Variants in PTPN13 observed in about 807,000 individuals in gnomAD.
PTPN13 encodes tyrosine-protein phosphatase non-receptor type 13.
A neutral mutation model predicts 284.0 loss-of-function variants in PTPN13; 191 were observed. The observed-to-expected ratio is 0.67, with a 90% CI of 0.60 to 0.76. The LOEUF (loss-of-function observed/expected upper bound fraction) is 0.76. Among genes scored for constraint, PTPN13 ranks in the 30% least tolerant of loss-of-function variants. The pLI is 0.00. For missense variants in PTPN13, 2,797 were observed against 2,939.9 expected (o/e 0.95, Z 1.12); for synonymous variants, 986 against 1,022.3 (o/e 0.96, Z 0.68).
At chr4:86,668,324 T>A (rs771200893) in intron 2 of PTPN13, among the ~76,000 whole-genome samples, 2 of 152,190 alleles carry the variant, frequency 1.3e-5, no homozygotes, top group African/African-American at 4.8e-5. Flanking sequence ...TTTCTTCCTT[T>A]TAGTTAGACA....
chr4:86,771,234 T>C lies in PTPN13; in HGVS notation c.4867T>C (p.Cys1623Arg), dbSNP rs2149273809. ...NSSKDSSQPS[C>R]VEQSTSSDEN... The stretch of plus-strand genomic sequence containing the variant: ...CAGTAAAGACTCTTCTCAGCCATCA[T>C]GTGTGGAGCAAAGCACCAGCTCAGA... The change falls in exon 31 of 48, where the codon TGT (cysteine) becomes CGT (arginine). Residue 1623 changes from cysteine to arginine, a missense_variant. Coordinates refer to ENST00000411767, the MANE Select transcript of PTPN13 (RefSeq NM_080683.3). The C allele has an allele frequency of 1.9e-6, 3 of 1,611,506 alleles. No individual in the cohort carries two copies. Among genetic ancestry groups the C allele is most frequent in the South Asian group, 2.2e-5 (2 of 90,196 alleles).
At chr4:86,701,157 C>T (rs910150122) in intron 6 of PTPN13, 84 bp from the exon 7 acceptor site, 5 of 1,080,008 alleles carry the variant, frequency 4.6e-6, no homozygotes, top group East Asian at 5.2e-5. Flanking sequence ...GAAATTGCCA[C>T]CACTTTCATT....
intron 1 of PTPN13, among the ~76,000 whole-genome samples, chr4:86,627,571 T>C (rs1449507994): frequency 6.6e-6 from 1 of 151,944 alleles, no homozygotes; most frequent in Non-Finnish European, 1.5e-5. Flanking sequence ...ACTGTACATA[T>C]TTAAAGTGTA....
intron 3 of PTPN13, among the ~76,000 whole-genome samples, chr4:86,677,038 C>T (rs539918906): frequency 3.3e-5 from 5 of 152,140 alleles, no homozygotes; most frequent in African/African-American, 9.6e-5. Flanking sequence ...AAGGCCGAAG[C>T]GGGCAGATCA....
chr4:86,624,147 T>C (rs1196505757), intron 1 of PTPN13, among the ~76,000 whole-genome samples: 1 of 152,220 alleles, frequency 6.6e-6, no homozygotes, highest in African/African-American at 2.4e-5. Context: ...TCCATTCTTT[T>C]ACAATTTATT....
rs1421418757 is a variant in PTPN13, at chr4:86,701,680, A to G, written c.1074A>G (p.Lys358=). ...CCTTGGATATCTTTGGCCCTCAGAA[A>G]ATGGATCCAATATATCACACTCGAG... ...SIALDIFGPQ[K]MDPIYHTREL... The change falls in exon 7 of 48, where the codon AAA becomes AAG. Residue 358 remains lysine, a synonymous_variant. Transcript: ENST00000411767. The G allele has an allele frequency of 6.2e-7, 1 of 1,613,926 alleles. No homozygotes were observed. Among genetic ancestry groups the G allele is most frequent in the Non-Finnish European group, 8.5e-7 (1 of 1,179,844 alleles).
chr4:86,731,169 T>G (rs1734907468), intron 10 of PTPN13, among the ~76,000 whole-genome samples: 1 of 152,192 alleles, frequency 6.6e-6, no homozygotes, highest in Non-Finnish European at 1.5e-5. Flanking sequence ...ATTCATTAGT[T>G]CAAGCACACA....
At chr4:86,740,373 C>T (rs1352854243) in intron 15 of PTPN13, among the ~76,000 whole-genome samples, 5 of 152,214 alleles carry the variant, frequency 3.3e-5, no homozygotes, top group Admixed American at 1.3e-4. Flanking sequence ...ACAGGCTCAA[C>T]ACCATGTGGA....
intron 3 of PTPN13, among the ~76,000 whole-genome samples, chr4:86,680,347 C>CTCTG (rs910627035): frequency 4.9e-5 from 7 of 142,652 alleles, no homozygotes; most frequent in African/African-American, 1.8e-4. Flanking sequence ...TTCTATCTAT[C>CTCTG]TCTATCTATC....
chr4:86,771,483 A>G lies in PTPN13; in HGVS notation c.5116A>G (p.Thr1706Ala), dbSNP rs1739994832. ...CAAGAGTCAAGAAGATACCATTTGTACCATGTTTTACTATCCTCAGAAAAT... is the reference window on the plus strand; with the variant it reads ...CAAGAGTCAAGAAGATACCATTTGTGCCATGTTTTACTATCCTCAGAAAAT... ...APKSQEDTICTMFYYPQKIPN... is the reference protein window; with the variant it reads ...APKSQEDTICAMFYYPQKIPN... The change falls in exon 31 of 48, where the codon ACC becomes GCC. Residue 1706 changes from threonine (T) to alanine (A), a missense_variant. Thr to Ala is a moderately conservative substitution (Grantham distance 58, BLOSUM62 0). Transcript: ENST00000411767. The G allele has an allele frequency of 6.4e-7, 1 of 1,567,516 alleles. No homozygotes were observed. Among genetic ancestry groups the G allele is most frequent in the Admixed American group, 1.9e-5 (1 of 52,982 alleles).
intron 15 of PTPN13, among the ~76,000 whole-genome samples, chr4:86,737,048 T>C (rs566774681): frequency 1.6e-4 from 24 of 152,254 alleles, no homozygotes; most frequent in African/African-American, 5.8e-4. Context: ...AAATTTACCA[T>C]TTTTAAGTGT....
chr4:86,733,477 A>T (rs1447968681), intron 12 of PTPN13, among the ~76,000 whole-genome samples: 3 of 152,150 alleles, frequency 2.0e-5, no homozygotes, highest in Non-Finnish European at 4.4e-5. Flanking sequence ...AGGTTAAAGG[A>T]TCCTAAAACT....
In PTPN13 at chr4:86,753,070, G is replaced by T; in HGVS notation, c.3223+5G>T. On this transcript the variant is annotated splice_donor_5th_base_variant and intron_variant, in intron 20 of 47. Transcript: ENST00000411767. The stretch of plus-strand genomic sequence containing the variant: ...AAGTACCCTTAAAAGAAAATGGTAG[G>T]TTTACAAAATGTTTTTCCCCTCATT... 6.3e-7 allele frequency: 1 copy of T among 1,599,920 alleles called. No homozygotes were observed. Among genetic ancestry groups the T allele is most frequent in the Non-Finnish European group, 8.6e-7 (1 of 1,169,090 alleles).
At chr4:86,693,933 A>G (rs879213102) in intron 6 of PTPN13, among the ~76,000 whole-genome samples, 1 of 152,074 alleles carries the variant, frequency 6.6e-6, no homozygotes, top group South Asian at 2.1e-4. Flanking sequence ...TATATCAATA[A>G]TAATAATATT....
In PTPN13 at chr4:86,775,226, G is replaced by T; in HGVS notation, c.5564G>T (p.Arg1855Leu). 6.2e-7 allele frequency: 1 copy of T among 1,613,286 alleles called. No homozygotes were observed. Among genetic ancestry groups the T allele is most frequent in the East Asian group, 2.2e-5 (1 of 44,860 alleles). ...CATACAGATGCAGTTAATCTGCTCC[G>T]GGCTGCATCCAAAACAGTCAGATTA... is the stretch of plus-strand genomic sequence containing the variant. ...MTHTDAVNLL[R>L]AASKTVRLVI... The change falls in exon 34 of 48, where the codon CGG becomes CTG. Residue 1855 changes from arginine (R) to leucine (L), a missense_variant. Arg to Leu is a moderately radical substitution (Grantham distance 102). Coordinates refer to ENST00000411767, the MANE Select transcript of PTPN13 (RefSeq NM_080683.3).
rs1745627600 is a variant in PTPN13 at position 86,814,977 on chromosome 4, A to G, written c.*426A>G. The stretch of plus-strand genomic sequence containing the variant: ...AAATGACAGTAATATTGGCATAGAA[A>G]AAAGTAGCAAATGTTTACTGTATCA... On this transcript the variant is annotated 3_prime_UTR_variant, in exon 48 of 48. Transcript: ENST00000411767. The G allele has an allele frequency of 6.5e-6, 1 of 153,952 alleles. No individual in the cohort carries two copies. The highest frequency in any genetic ancestry group is 2.4e-5 in the African/African-American group (1 of 41,474). 9.5% of individuals were successfully genotyped at this position (153,952 alleles called of 1,614,324 possible). A position where few individuals can be genotyped will look rare whatever the true frequency, so the allele number is the denominator to read the frequency against.
chr4:86,703,211 G>A (rs754793860), intron 7 of PTPN13, among the ~76,000 whole-genome samples: 3 of 152,016 alleles, frequency 2.0e-5, no homozygotes, highest in Non-Finnish European at 2.9e-5. Context: ...AACCTTGATC[G>A]AATACTTTCA....
chr4:86,643,707 T>C (rs970103844), intron 2 of PTPN13, among the ~76,000 whole-genome samples: 1 of 152,184 alleles, frequency 6.6e-6, no homozygotes, highest in Non-Finnish European at 1.5e-5. Flanking sequence ...GGAATCAAAC[T>C]CTTAGAGCTG....
chr4:86,625,562 A>AT (rs1234178928), intron 1 of PTPN13, among the ~76,000 whole-genome samples: 3 of 151,862 alleles, frequency 2.0e-5, no homozygotes, highest in Admixed American at 1.3e-4. Flanking sequence ...TTGTTTGCTT[A>AT]TTTTTTTGTG....
Sources: allele counts gnomAD v4.1 joint callset (sites outside exome capture counted in the v4.1 genomes callset), GRCh38; gene constraint gnomAD v4.1.1; transcripts MANE v1.5; gene names NCBI Gene and HGNC (gene_info 2026-07-23, HGNC 2026-07-21).